ZCCHC24: variants seen among roughly 807,000 people sequenced by gnomAD.
ZCCHC24 encodes zinc finger CCHC-type containing 24, also known as zinc finger CCHC domain-containing protein 24.
A neutral mutation model predicts 26.2 loss-of-function variants in ZCCHC24; 10 were observed. The ratio of observed to expected loss-of-function variants is 0.38; its 90% CI spans 0.24 to 0.65. The LOEUF (loss-of-function observed/expected upper bound fraction) is 0.65, where lower values mean the gene tolerates loss of function less well. ZCCHC24 is among the 30% of genes least tolerant of loss of function. The pLI is 0.54. For synonymous variants in ZCCHC24, 144 were observed against 147.1 expected, an observed-to-expected ratio of 0.98 and a Z score of 0.15; for missense variants, 243 against 329.1, an observed-to-expected ratio of 0.74 and a Z score of 2.03.
At chr10:79,400,807 G>C (rs894319548) in intron 2 of ZCCHC24, among the ~76,000 whole-genome samples, 6 of 152,170 alleles carry the variant, frequency 3.9e-5, no homozygotes, top group Non-Finnish European at 7.4e-5. Flanking sequence ...CATGTCCATA[G>C]AGCTAGCCCC....
intron 2 of ZCCHC24, among the ~76,000 whole-genome samples, chr10:79,415,018 T>G (rs4246945): frequency 0.4 from 61,159 of 151,970 alleles, 12,513 homozygotes; most frequent in Middle Eastern, 0.46. Flanking sequence ...TGGGTCCAGG[T>G]TTCCTGTCCC....
chr10:79,443,517 A>G (rs900966527), intron 1 of ZCCHC24, among the ~76,000 whole-genome samples: 1 of 152,170 alleles, frequency 6.6e-6, no homozygotes, highest in Non-Finnish European at 1.5e-5. Context: ...CCCCCATCAA[A>G]TCACCCACCA....
chr10:79,432,007 A>C (rs1013847445), intron 2 of ZCCHC24, among the ~76,000 whole-genome samples: 1 of 152,160 alleles, frequency 6.6e-6, no homozygotes, highest in East Asian at 1.9e-4. Flanking sequence ...CACTCCAAGA[A>C]AGAGATGCTC....
At chr10:79,405,614 C>G (rs1281587863) in intron 2 of ZCCHC24, among the ~76,000 whole-genome samples, 3 of 152,240 alleles carry the variant, frequency 2.0e-5, no homozygotes, top group Non-Finnish European at 4.4e-5. Context: ...CTGAAGGCGT[C>G]CCTGGCAAGG....
At chr10:79,433,974 T>C (rs891201533) in intron 1 of ZCCHC24, among the ~76,000 whole-genome samples, 5 of 152,212 alleles carry the variant, frequency 3.3e-5, no homozygotes, top group African/African-American at 1.2e-4. Flanking sequence ...TTTGCACAAG[T>C]ATGTGTCCCA....
At chr10:79,404,918 G>C (rs1301370020) in intron 2 of ZCCHC24, among the ~76,000 whole-genome samples, 1 of 152,166 alleles carries the variant, frequency 6.6e-6, no homozygotes, top group Non-Finnish European at 1.5e-5. Context: ...GCTGTTCCCT[G>C]TACCCAACAC....
At position 79,445,246 on chromosome 10, in the gene ZCCHC24, C is replaced by T. The variant is rs1389308211; in HGVS notation, c.195G>A (p.Ser65=). The change falls in exon 1 of 4, where the codon TCG becomes TCA. Residue 65 remains serine, a synonymous_variant. Transcript: ENST00000372336. ...FGKGRPEQLG[S]PLHSSYLNSF... ...TGTTGAGATAGCTGGAGTGCAGGGG[C>T]GAGCCCAGCTGCTCGGGGCGGCCCT... The T allele has an allele frequency of 1.4e-6, 2 of 1,399,292 alleles. No homozygotes were observed. Among genetic ancestry groups the T allele is most frequent in the Non-Finnish European group, 1.9e-6 (2 of 1,070,918 alleles). The allele number at this position is 1,399,292 out of a possible 1,614,324, so 86.7% of individuals were successfully genotyped here.
At chr10:79,394,894 C>G (rs1564632297) in intron 2 of ZCCHC24, among the ~76,000 whole-genome samples, 1 of 152,234 alleles carries the variant, frequency 6.6e-6, no homozygotes, top group South Asian at 2.1e-4. Flanking sequence ...TGCACCCAGT[C>G]AGCTCCCCTA....
At chr10:79,387,694 C>T (rs1856418742) in intron 3 of ZCCHC24, among the ~76,000 whole-genome samples, 1 of 152,202 alleles carries the variant, frequency 6.6e-6, no homozygotes, top group South Asian at 2.1e-4. Flanking sequence ...AGAGGGTGTG[C>T]TCTGTCCCCC....
intron 2 of ZCCHC24, among the ~76,000 whole-genome samples, chr10:79,428,163 C>T (rs1676613785): frequency 6.6e-6 from 1 of 152,182 alleles, no homozygotes; most frequent in South Asian, 2.1e-4. Flanking sequence ...GTGGTATATA[C>T]ATACAATGGA....
In ZCCHC24 at chr10:79,445,590, G is replaced by C. The variant is rs1299154522; in HGVS notation, c.-150C>G. The C allele has an allele frequency of 1.6e-6, 1 of 615,284 alleles. No homozygotes were observed. The highest frequency in any genetic ancestry group is 1.2e-4 in the East Asian group (1 of 8,166). 38.1% of individuals were successfully genotyped at this position (615,284 alleles called of 1,614,324 possible). On this transcript the variant is annotated 5_prime_UTR_variant, in exon 1 of 4. Coordinates refer to ENST00000372336, the MANE Select transcript of ZCCHC24 (RefSeq NM_153367.4). The stretch of plus-strand genomic sequence containing the variant: ...GCGCCCTGCGCCCCGCGCGCTGCCC[G>C]CAGCCGCTGCCGCTGCCGCCGCCTC...
chr10:79,437,044 T>C (rs1857225756), intron 1 of ZCCHC24, among the ~76,000 whole-genome samples: 1 of 152,128 alleles, frequency 6.6e-6, no homozygotes, highest in Non-Finnish European at 1.5e-5. Flanking sequence ...ACGTTATAGT[T>C]TACTTTTTTT....
At chr10:79,442,301 T>A (rs1857300426) in intron 1 of ZCCHC24, among the ~76,000 whole-genome samples, 1 of 152,172 alleles carries the variant, frequency 6.6e-6, no homozygotes, top group African/African-American at 2.4e-5. Flanking sequence ...CCAAGTCACC[T>A]CCTGGTGCTT....
chr10:79,416,859 A>G (rs78172049), intron 2 of ZCCHC24, among the ~76,000 whole-genome samples: 4,676 of 152,146 alleles, frequency 0.031, 229 homozygotes, highest in African/African-American at 0.11. Context: ...AGAGGAGTCA[A>G]TGGGTGAAAA....
At chr10:79,428,932 A>C (rs1367157281) in intron 2 of ZCCHC24, among the ~76,000 whole-genome samples, 4 of 148,766 alleles carry the variant, frequency 2.7e-5, no homozygotes, top group African/African-American at 1.0e-4. Flanking sequence ...AGTCAAAAAG[A>C]AATAAAAAAA....
At chr10:79,440,763 C>T (rs564540943) in intron 1 of ZCCHC24, among the ~76,000 whole-genome samples, 1 of 152,170 alleles carries the variant, frequency 6.6e-6, no homozygotes, top group Non-Finnish European at 1.5e-5. Flanking sequence ...CGGAGCCCTC[C>T]TCTGGGTACT....
intron 2 of ZCCHC24, among the ~76,000 whole-genome samples, chr10:79,423,587 A>ATATATTTTC (rs749128110): frequency 8.9e-6 from 1 of 112,790 alleles, no homozygotes; most frequent in Non-Finnish European, 1.8e-5. Flanking sequence ...TATACTATAT[A>ATATATTTTC]TATATATATA....
rs1414217995 is a variant in ZCCHC24 at position 79,385,337 on chromosome 10, A to G, written c.*1008T>C. On this transcript the variant is annotated 3_prime_UTR_variant, in exon 4 of 4. Transcript: ENST00000372336. The surrounding 1 kb of genome is among the most constrained non-coding windows in gnomAD (Gnocchi z 4.3). ...AGCACCGGCCAGCCTGAATCCCAGA[A>G]CAACAGAGCTGAAATGGGCCCTCTG... 1 of 152,262 alleles carries G rather than the reference A, an allele frequency of 6.6e-6. No individual in the cohort carries two copies. Among genetic ancestry groups the G allele is most frequent in the Non-Finnish European group, 1.5e-5 (1 of 68,060 alleles). 9.4% of individuals were successfully genotyped at this position (152,262 alleles called of 1,614,324 possible).
At chr10:79,416,651 C>A (rs1856864784) in intron 2 of ZCCHC24, among the ~76,000 whole-genome samples, 1 of 152,190 alleles carries the variant, frequency 6.6e-6, no homozygotes, top group Non-Finnish European at 1.5e-5. Context: ...TTCTTTCCTC[C>A]TCCACATCCT....
Sources: gnomAD v4.1 joint callset for allele counts (sites outside exome capture counted in the v4.1 genomes callset) on GRCh38, gnomAD v4.1.1 for gene constraint, Gnocchi (gnomAD v3.1) non-coding constraint, MANE v1.5 for transcripts, NCBI Gene and HGNC (gene_info 2026-07-23, HGNC 2026-07-21) for gene names.